Variants in TBC1D32 observed in about 807,000 individuals in gnomAD.
TBC1D32 encodes the protein TBC1 domain family member 32.
TBC1D32 carries 151 observed loss-of-function variants against 170.3 expected under a neutral mutation model. The ratio of observed to expected loss-of-function variants is 0.89; its 90% confidence interval spans 0.78 to 1.01. TBC1D32 has a LOEUF of 1.01. Among genes scored for constraint, TBC1D32 ranks in the 50% least tolerant of loss-of-function variants. TBC1D32 has a pLI of 0.00. For synonymous variants in TBC1D32, 498 were observed against 488.0 expected (o/e 1.02, Z -0.27); for missense variants, 1,464 against 1,457.1 (o/e 1.00, Z -0.08).
chr6:121,128,362 G>GT (rs1781077523), intron 25 of TBC1D32, among the ~76,000 whole-genome samples: 1 of 152,086 alleles, frequency 6.6e-6, no homozygotes, highest in South Asian at 2.1e-4. Context: ...CTAACCAATT[G>GT]TAAGTGTAGC....
At chr6:121,135,887 C>T (rs1034311916) in intron 24 of TBC1D32, among the ~76,000 whole-genome samples, 1 of 151,938 alleles carries the variant, frequency 6.6e-6, no homozygotes, top group Non-Finnish European at 1.5e-5. Flanking sequence ...ATACATCCAC[C>T]CTAACAAAAA....
intron 22 of TBC1D32, among the ~76,000 whole-genome samples, chr6:121,192,051 TTAATAAACTACC>T (rs139650582): frequency 0.61 from 76,778 of 126,696 alleles, 25,267 homozygotes; most frequent in Non-Finnish European, 0.75. Context: ...AAGTTAATAC[TTAATAAACTACC>T]CTTTATATAT....
intron 2 of TBC1D32, among the ~76,000 whole-genome samples, chr6:121,321,121 T>A (rs1465362272): frequency 6.6e-6 from 1 of 152,178 alleles, no homozygotes; most frequent in Non-Finnish European, 1.5e-5. Flanking sequence ...ATATTAGAAG[T>A]GTTTTTATCT....
chr6:121,139,013 T>G (rs372082435), intron 24 of TBC1D32, among the ~76,000 whole-genome samples: 4 of 151,966 alleles, frequency 2.6e-5, no homozygotes, highest in African/African-American at 7.2e-5. Flanking sequence ...CCTGGCTAAT[T>G]TTTTTTGTAT....
chr6:121,307,869 A>T, intron 5 of TBC1D32, 107 bp downstream of exon 5: 1 of 1,324,152 alleles, frequency 7.6e-7, no homozygotes, highest in Non-Finnish European at 1.0e-6. Flanking sequence ...TCTCAAAAAA[A>T]ACAAAAAAGA....
intron 17 of TBC1D32, among the ~76,000 whole-genome samples, chr6:121,243,751 T>C (rs547414194): frequency 6.7e-6 from 1 of 149,230 alleles, no homozygotes; most frequent in East Asian, 2.0e-4. Flanking sequence ...AAAGAATATA[T>C]ATAAAAGTCA....
chr6:121,091,670 T>C (rs975647824), intron 30 of TBC1D32, among the ~76,000 whole-genome samples: 2 of 152,096 alleles, frequency 1.3e-5, no homozygotes, highest in Admixed American at 6.6e-5. Flanking sequence ...CAGGAAAGTT[T>C]CAGAAAAAAC....
chr6:121,080,667 T>C lies in TBC1D32; in HGVS notation c.*104A>G, dbSNP rs957225379. The stretch of plus-strand genomic sequence containing the variant: ...TATACTTCTCAGTATTTACAATATG[T>C]ATATTCACAAAGTAAATGTTGTTAC... On this transcript the variant is annotated 3_prime_UTR_variant, in exon 32 of 32. Transcript: ENST00000398212. 2.2e-6 allele frequency: 3 copies of C among 1,369,888 alleles called. No homozygotes were observed. The highest frequency in any genetic ancestry group is 3.0e-6 in the Non-Finnish European group (3 of 1,011,286). The allele number at this position is 1,369,888 out of a possible 1,614,324, so 84.9% of individuals were successfully genotyped here. A position where few individuals can be genotyped will look rare whatever the true frequency, so the allele number is the denominator to read the frequency against.
intron 24 of TBC1D32, among the ~76,000 whole-genome samples, chr6:121,150,103 G>A (rs2128234056): frequency 6.6e-6 from 1 of 152,268 alleles, no homozygotes; most frequent in Non-Finnish European, 1.5e-5. Flanking sequence ...TTTTCAAAGG[G>A]AATGCTTCCA....
At chr6:121,253,488 G>A (rs1014936973) in intron 17 of TBC1D32, among the ~76,000 whole-genome samples, 5 of 152,208 alleles carry the variant, frequency 3.3e-5, no homozygotes, top group Non-Finnish European at 7.3e-5. Context: ...GGAGGCCGAG[G>A]CGGGCGGATC....
chr6:121,113,041 GAATATACTCA>G lies in TBC1D32; in HGVS notation c.3169+11_3169+20del. 6.5e-7 allele frequency: 1 copy of G among 1,543,958 alleles called. No homozygotes were observed. The highest frequency in any genetic ancestry group is 8.8e-7 in the Non-Finnish European group (1 of 1,130,368). On this transcript the variant is annotated intron_variant, in intron 28 of 31. Transcript: ENST00000398212. ...TATGTGAAAAAAATTAAGCTATTGT[GAATATACTCA>G]AAAAGGATATGAAGAGAAGATTTTA...
At chr6:121,294,713 G>A (rs1805359322) in intron 10 of TBC1D32, 53 bp from the exon 11 acceptor site, 4 of 1,332,088 alleles carry the variant, frequency 3.0e-6, no homozygotes, top group Non-Finnish European at 4.3e-6. Flanking sequence ...TCAAGTCCAA[G>A]AATTAAAAGA....
chr6:121,250,153 G>T (rs189772594), intron 17 of TBC1D32, among the ~76,000 whole-genome samples: 1 of 151,996 alleles, frequency 6.6e-6, no homozygotes, highest in Non-Finnish European at 1.5e-5. Flanking sequence ...AATTCTACCA[G>T]AGATACAAAG....
intron 10 of TBC1D32, among the ~76,000 whole-genome samples, chr6:121,295,055 A>C (rs1387326999): frequency 6.6e-6 from 1 of 152,120 alleles, no homozygotes; most frequent in African/African-American, 2.4e-5. Flanking sequence ...AAGTGGATCA[A>C]GTCTTTATTT....
intron 10 of TBC1D32, among the ~76,000 whole-genome samples, chr6:121,298,212 G>C (rs544540163): frequency 6.6e-6 from 1 of 152,078 alleles, no homozygotes; most frequent in East Asian, 1.9e-4. Flanking sequence ...TGCAAATGAG[G>C]TTTAAGTTGA....
chr6:121,145,424 T>C (rs903840407), intron 24 of TBC1D32, among the ~76,000 whole-genome samples: 2 of 151,746 alleles, frequency 1.3e-5, no homozygotes, highest in Admixed American at 6.6e-5. Flanking sequence ...TTTAAACTCA[T>C]AGAAATGGGG....
intron 17 of TBC1D32, among the ~76,000 whole-genome samples, chr6:121,243,563 AAGTTTT>A (rs1473262139): frequency 2.0e-5 from 3 of 152,194 alleles, no homozygotes; most frequent in Admixed American, 2.0e-4. Context: ...GAGATATTAA[AAGTTTT>A]AGTAACAAAA....
intron 17 of TBC1D32, among the ~76,000 whole-genome samples, chr6:121,246,336 A>C (rs1181475936): frequency 2.0e-5 from 3 of 152,156 alleles, no homozygotes; most frequent in African/African-American, 7.2e-5. Flanking sequence ...AATTAGGCTA[A>C]AATGAACAAT....
chr6:121,334,446 C>T lies in TBC1D32; in HGVS notation c.-16G>A, dbSNP rs1003184042. ...AATGGGCCATCCTGTTGGAATCAAA[C>T]GTCCACTCTCATTACTCCAGGTCCG... On this transcript the variant is annotated 5_prime_UTR_variant, in exon 1 of 32. Coordinates refer to ENST00000398212, the MANE Select transcript of TBC1D32 (RefSeq NM_152730.6). 9 of 1,609,702 alleles carry T rather than the reference C, an allele frequency of 5.6e-6. No homozygotes were observed. In the Admixed American group the frequency reaches 1.3e-4, roughly 24 times the overall value.
Sources: allele counts gnomAD v4.1 joint callset (sites outside exome capture counted in the v4.1 genomes callset), GRCh38; gene constraint gnomAD v4.1.1; transcripts MANE v1.5; gene names NCBI Gene and HGNC (gene_info 2026-07-23, HGNC 2026-07-21).